TTC28: variants seen among roughly 807,000 people sequenced by gnomAD.
TTC28 encodes tetratricopeptide repeat domain 28.
TTC28 carries 61 observed loss-of-function variants against 198.0 expected under a neutral mutation model. The observed-to-expected ratio is 0.31, with a 90% CI of 0.25 to 0.38. The LOEUF (loss-of-function observed/expected upper bound fraction) is 0.38, where lower values mean the gene tolerates loss of function less well. Ranked by LOEUF, TTC28 falls within the 10% of genes least tolerant of loss-of-function variation. The pLI is 1.00. For synonymous variants in TTC28, 1,171 were observed against 1,297.8 expected (o/e 0.90, Z 2.10); for missense variants, 2,678 against 3,164.0 (o/e 0.85, Z 3.69).
intron 5 of TTC28, among the ~76,000 whole-genome samples, chr22:28,266,510 T>C (rs1045709835): frequency 3.3e-5 from 5 of 152,132 alleles, no homozygotes; most frequent in African/African-American, 9.7e-5. Flanking sequence ...CCTAGACAAA[T>C]AGATGTTAGC....
At chr22:28,277,246 T>C (rs1026030634) in intron 5 of TTC28, among the ~76,000 whole-genome samples, 4 of 152,216 alleles carry the variant, frequency 2.6e-5, no homozygotes, top group African/African-American at 9.6e-5. Context: ...GGTGATTTCT[T>C]TGCAATGTGA....
At chr22:28,506,377 A>T (rs1384244256) in intron 2 of TTC28, among the ~76,000 whole-genome samples, 1 of 151,914 alleles carries the variant, frequency 6.6e-6, no homozygotes, top group Non-Finnish European at 1.5e-5. Context: ...CAGTCACTCC[A>T]GCAAGGGTTC....
At chr22:28,678,944 T>C (rs2052045271) in intron 1 of TTC28, among the ~76,000 whole-genome samples, 1 of 152,112 alleles carries the variant, frequency 6.6e-6, no homozygotes, top group Non-Finnish European at 1.5e-5. Flanking sequence ...GATCAGGTGC[T>C]CCCAATGATT....
At chr22:28,193,230 G>A (rs138133717) in intron 5 of TTC28, among the ~76,000 whole-genome samples, 4,087 of 152,128 alleles carry the variant, frequency 0.027, 130 homozygotes, top group East Asian at 0.084. Context: ...ACAGACAAGC[G>A]AATGCTGAGA....
At position 28,533,968 on chromosome 22, in the gene TTC28, C is replaced by A. The variant is rs543469361; in HGVS notation, c.381+95584G>T. The stretch of plus-strand genomic sequence containing the variant: ...AAACCATAAAAACCCTAGAAGAAAA[C>A]CTAGGCAATACCATTCAGGACATAG... On this transcript the variant is annotated intron_variant, in intron 2 of 22. Transcript: ENST00000397906. Among the ~76,000 whole-genome samples, 6 of 152,258 alleles carry A rather than the reference C, an allele frequency of 3.9e-5. No individual in the cohort carries two copies. The South Asian group carries it at 1.2e-3, about 32-fold the overall frequency.
intron 1 of TTC28, among the ~76,000 whole-genome samples, chr22:28,653,737 C>T (rs868114012): frequency 1.7e-4 from 26 of 152,288 alleles, no homozygotes; most frequent in Admixed American, 6.5e-4. Flanking sequence ...AAGCCTTTAA[C>T]TCTACCGATC....
chr22:28,055,637 T>C (rs878897104), intron 12 of TTC28, among the ~76,000 whole-genome samples: 3 of 152,210 alleles, frequency 2.0e-5, no homozygotes, highest in Admixed American at 2.0e-4. Context: ...AACCCCCATT[T>C]TATGGATGAG....
chr22:28,311,915 AT>A (rs1419447758), intron 2 of TTC28, among the ~76,000 whole-genome samples: 2 of 152,062 alleles, frequency 1.3e-5, no homozygotes, highest in African/African-American at 2.4e-5. Flanking sequence ...AGACTGGCAA[AT>A]TGGATAAAGA....
intron 5 of TTC28, among the ~76,000 whole-genome samples, chr22:28,248,223 C>T (rs1930250673): frequency 6.6e-6 from 1 of 152,138 alleles, no homozygotes; most frequent in Admixed American, 6.5e-5. Flanking sequence ...GAACACACCA[C>T]ATGTGGTGCC....
At chr22:28,081,167 A>G (rs1941343240) in intron 12 of TTC28, among the ~76,000 whole-genome samples, 1 of 151,566 alleles carries the variant, frequency 6.6e-6, no homozygotes, top group South Asian at 2.1e-4. Context: ...ACACACACAC[A>G]CACACACACA....
chr22:28,675,443 G>A (rs947115070), intron 1 of TTC28, among the ~76,000 whole-genome samples: 1 of 151,948 alleles, frequency 6.6e-6, no homozygotes, highest in African/African-American at 2.4e-5. Flanking sequence ...AACTTTTTTG[G>A]CATCAGAGGA....
intron 2 of TTC28, among the ~76,000 whole-genome samples, chr22:28,416,722 T>C (rs5997364): frequency 8.3e-4 from 127 of 152,258 alleles, no homozygotes; most frequent in African/African-American, 2.9e-3. Flanking sequence ...CGGGAAAGCA[T>C]AGCACACAAC....
intron 18 of TTC28, 126 bp from the exon 19 acceptor site, chr22:27,992,789 C>T (rs1270564848): frequency 3.1e-5 from 27 of 866,072 alleles, no homozygotes; most frequent in Non-Finnish European, 3.7e-5. Flanking sequence ...CTCAGCACAG[C>T]TAGACATGTG....
intron 2 of TTC28, among the ~76,000 whole-genome samples, chr22:28,380,138 T>C (rs2046472919): frequency 6.6e-6 from 1 of 151,054 alleles, no homozygotes; most frequent in Non-Finnish European, 1.5e-5. Flanking sequence ...CTAGTATTAT[T>C]TCAAAATAAA....
intron 14 of TTC28, among the ~76,000 whole-genome samples, chr22:28,013,347 A>G (rs1938231428): frequency 6.6e-6 from 1 of 152,176 alleles, no homozygotes; most frequent in African/African-American, 2.4e-5. Context: ...ACGCAAAGGC[A>G]TCTGATGGGC....
At chr22:27,999,296 G>A in intron 15 of TTC28, 36 bp from the exon 16 acceptor site, 1 of 1,514,944 alleles carries the variant, frequency 6.6e-7, no homozygotes, top group Non-Finnish European at 8.9e-7. Context: ...CCACCCGTCA[G>A]ACAGAACAGC....
chr22:28,116,814 G>A (rs895761424), intron 6 of TTC28, among the ~76,000 whole-genome samples: 1 of 152,166 alleles, frequency 6.6e-6, no homozygotes, highest in Non-Finnish European at 1.5e-5. Context: ...CCTACAAAGT[G>A]TAGTCAAGTG....
At chr22:28,185,041 T>A (rs1017547812) in intron 5 of TTC28, among the ~76,000 whole-genome samples, 1 of 152,176 alleles carries the variant, frequency 6.6e-6, no homozygotes, top group South Asian at 2.1e-4. Context: ...GGACTTTAGG[T>A]CTGCGTAAGG....
chr22:27,998,681 C>A lies in TTC28; in HGVS notation c.4978G>T (p.Val1660Leu), dbSNP rs1210067905. The A allele has an allele frequency of 6.4e-7, 1 of 1,550,802 alleles. No individual in the cohort carries two copies. The highest frequency in any genetic ancestry group is 8.7e-7 in the Non-Finnish European group (1 of 1,147,014). The change falls in exon 16 of 23, where the codon GTG becomes TTG. Residue 1660 changes from valine (V) to leucine (L), a missense_variant. Physicochemically the swap from Val to Leu is conservative, Grantham distance 32. Coordinates refer to ENST00000397906, the MANE Select transcript of TTC28 (RefSeq NM_001145418.2). Reference sequence around the variant, plus strand: ...AACATCTTAGAAGCAGCCACTGGCACAGGCCACAGAGACACGAGGACACAC... The same window carrying A: ...AACATCTTAGAAGCAGCCACTGGCAAAGGCCACAGAGACACGAGGACACAC... The part of the protein sequence containing the change: ...AQCVLVSLWP[V>L]PVAASKMFIH...
Sources: gnomAD v4.1 joint callset for allele counts (sites outside exome capture counted in the v4.1 genomes callset) on GRCh38, gnomAD v4.1.1 for gene constraint, MANE v1.5 for transcripts, NCBI Gene and HGNC (gene_info 2026-07-23, HGNC 2026-07-21) for gene names.